Variants in PTPRG observed in about 807,000 individuals in gnomAD.
PTPRG encodes receptor-type tyrosine-protein phosphatase gamma.
Under a neutral mutation model 165.3 loss-of-function variants are expected in PTPRG, and 102 were observed. The ratio of observed to expected loss-of-function variants is 0.62; its 90% CI spans 0.53 to 0.73. The LOEUF is 0.73. Among genes scored for constraint, PTPRG ranks in the 30% least tolerant of loss-of-function variants. The pLI, the probability that PTPRG is intolerant of heterozygous loss-of-function variation, is 0.00. For synonymous variants in PTPRG, 675 were observed against 669.5 expected (o/e 1.01, Z -0.13); for missense variants, 1,866 against 1,861.4 (o/e 1.00, Z -0.05).
At chr3:62,131,488 G>T (rs968425984) in intron 5 of PTPRG, among the ~76,000 whole-genome samples, 5 of 152,052 alleles carry the variant, frequency 3.3e-5, no homozygotes, top group African/African-American at 1.2e-4. Context: ...TAATTCTAGG[G>T]GTGGCTCTTG....
At chr3:62,292,094 G>T (rs1289840779) in intron 28 of PTPRG, among the ~76,000 whole-genome samples, 1 of 151,862 alleles carries the variant, frequency 6.6e-6, no homozygotes, top group African/African-American at 2.4e-5. Flanking sequence ...TCTCTTTATT[G>T]TTTTTTCTAT....
chr3:61,872,222 T>C (rs1282172456), intron 2 of PTPRG, among the ~76,000 whole-genome samples: 2 of 152,200 alleles, frequency 1.3e-5, no homozygotes, highest in African/African-American at 4.8e-5. Flanking sequence ...AGAATGTTGA[T>C]TCTGGCCAGG....
Position 62,273,304 on chromosome 3 carries a change from C to G in PTPRG, c.3318+223C>G, listed in dbSNP as rs571662619. On this transcript the variant is annotated intron_variant, in intron 22 of 29. Coordinates refer to ENST00000474889, the MANE Select transcript of PTPRG (RefSeq NM_002841.4). This position sits in a 1 kb window ranked among gnomAD's most constrained non-coding sequence, Gnocchi z 4.1. Reference sequence around the variant, plus strand: ...TCCTAAATAACTACACAAGTACTTACGAAAGAGATACAGTTGTTTCAAGAG... The same window carrying G: ...TCCTAAATAACTACACAAGTACTTAGGAAAGAGATACAGTTGTTTCAAGAG... 6.6e-6 allele frequency among the ~76,000 whole-genome samples: 1 copy of G among 152,128 alleles called. No homozygotes were observed. Among genetic ancestry groups the G allele is most frequent in the Non-Finnish European group, 1.5e-5 (1 of 68,022 alleles).
At chr3:61,593,937 C>A (rs779212857) in intron 1 of PTPRG, among the ~76,000 whole-genome samples, 1 of 152,068 alleles carries the variant, frequency 6.6e-6, no homozygotes, top group Non-Finnish European at 1.5e-5. Context: ...TCCTTAATCA[C>A]TTAGAGCTTG....
intron 5 of PTPRG, among the ~76,000 whole-genome samples, chr3:62,111,490 C>T (rs928239717): frequency 2.0e-5 from 3 of 152,222 alleles, no homozygotes; most frequent in South Asian, 2.1e-4. Context: ...TTCTCTGTCA[C>T]CCAGGCTGGA....
chr3:61,641,980 C>CAGCCTCCTCA (rs1702078491), intron 1 of PTPRG, among the ~76,000 whole-genome samples: 1 of 152,302 alleles, frequency 6.6e-6, no homozygotes, highest in East Asian at 1.9e-4. Flanking sequence ...GGGCACCCCC[C>CAGCCTCCTCA]AGCCTCCTCA....
At chr3:61,606,173 A>T (rs1701000519) in intron 1 of PTPRG, among the ~76,000 whole-genome samples, 1 of 152,198 alleles carries the variant, frequency 6.6e-6, no homozygotes, top group African/African-American at 2.4e-5. Flanking sequence ...CAGGGCTGTG[A>T]TCTCATCGGA....
At chr3:61,706,811 T>A (rs1041148720) in intron 1 of PTPRG, among the ~76,000 whole-genome samples, 48 of 151,832 alleles carry the variant, frequency 3.2e-4, no homozygotes, top group African/African-American at 1.1e-3. Context: ...TATTATTATT[T>A]TTAACTAGAA....
At chr3:61,910,422 C>A (rs1157281822) in intron 2 of PTPRG, among the ~76,000 whole-genome samples, 1 of 152,152 alleles carries the variant, frequency 6.6e-6, no homozygotes, top group Non-Finnish European at 1.5e-5. Flanking sequence ...GTTGTCCAAC[C>A]CAGTGGGTAT....
chr3:62,205,709 T>C (rs1700212239), intron 12 of PTPRG, among the ~76,000 whole-genome samples: 1 of 151,978 alleles, frequency 6.6e-6, no homozygotes, highest in South Asian at 2.1e-4. Context: ...GCCAGTGTGG[T>C]TAGACCAGAG....
At chr3:61,915,660 T>G (rs1237080707) in intron 2 of PTPRG, among the ~76,000 whole-genome samples, 2 of 151,916 alleles carry the variant, frequency 1.3e-5, no homozygotes, top group Non-Finnish European at 2.9e-5. Context: ...AACATATTTT[T>G]TCTTTCTTTC....
At chr3:61,652,234 G>C (rs1392090318) in intron 1 of PTPRG, among the ~76,000 whole-genome samples, 1 of 152,180 alleles carries the variant, frequency 6.6e-6, no homozygotes, top group African/African-American at 2.4e-5. Context: ...TTGAACCTGG[G>C]AGGCGGAGGT....
chr3:61,884,696 C>A (rs1459421263), intron 2 of PTPRG, among the ~76,000 whole-genome samples: 3 of 152,154 alleles, frequency 2.0e-5, no homozygotes, highest in African/African-American at 7.2e-5. Context: ...GATACTTTAA[C>A]TTTTCTTCTT....
intron 2 of PTPRG, among the ~76,000 whole-genome samples, chr3:61,869,844 A>AC (rs1364920531): frequency 1.3e-5 from 2 of 151,876 alleles, no homozygotes; most frequent in Non-Finnish European, 2.9e-5. Context: ...TAAGCGATCC[A>AC]CCCGCCTAAG....
intron 1 of PTPRG, among the ~76,000 whole-genome samples, chr3:61,739,546 A>G (rs635774): frequency 0.79 from 120,264 of 152,170 alleles, 47,690 homozygotes; most frequent in Middle Eastern, 0.84. Flanking sequence ...GTAGTGTAGT[A>G]TCAGTTATAG....
chr3:62,220,304 G>T (rs1214288187), intron 13 of PTPRG, among the ~76,000 whole-genome samples: 1 of 152,236 alleles, frequency 6.6e-6, no homozygotes, highest in South Asian at 2.1e-4. Context: ...AGAATGTTAT[G>T]ATTTGACTTG....
chr3:61,786,385 T>C (rs2034703092), intron 2 of PTPRG, among the ~76,000 whole-genome samples: 1 of 152,226 alleles, frequency 6.6e-6, no homozygotes, highest in Admixed American at 6.5e-5. Context: ...CTTGACTTAG[T>C]ACTGTATTTG....
intron 2 of PTPRG, among the ~76,000 whole-genome samples, chr3:61,914,089 T>C (rs955470330): frequency 6.6e-5 from 10 of 152,204 alleles, no homozygotes; most frequent in African/African-American, 2.4e-4. Flanking sequence ...GTGGAAACCT[T>C]GGTTCATGGA....
chr3:61,977,518 C>T (rs1013205693), intron 2 of PTPRG, among the ~76,000 whole-genome samples: 2 of 151,844 alleles, frequency 1.3e-5, no homozygotes, highest in African/African-American at 2.4e-5. Context: ...GTGTATATAC[C>T]GTTACTGGTT....
Sources: gnomAD v4.1 joint callset for allele counts (sites outside exome capture counted in the v4.1 genomes callset) on GRCh38, gnomAD v4.1.1 for gene constraint, Gnocchi (gnomAD v3.1) non-coding constraint, MANE v1.5 for transcripts, NCBI Gene and HGNC (gene_info 2026-07-23, HGNC 2026-07-21) for gene names.